Variants in NEGR1 observed in about 807,000 individuals in gnomAD.
NEGR1 encodes neuronal growth regulator 1.
In NEGR1, 10 loss-of-function variants were observed where a neutral mutation model predicts 40.9. The observed-to-expected ratio is 0.24, with a 90% CI of 0.15 to 0.42. The LOEUF is 0.42. NEGR1 is among the 10% of genes least tolerant of loss of function. The pLI is 1.00. For synonymous variants in NEGR1, 185 were observed against 166.8 expected, an observed-to-expected ratio of 1.11 and a Z score of -0.84; for missense variants, 352 against 438.9, an observed-to-expected ratio of 0.80 and a Z score of 1.77.
chr1:71,991,185 T>C (rs2100358469), intron 1 of NEGR1, among the ~76,000 whole-genome samples: 1 of 152,294 alleles, frequency 6.6e-6, no homozygotes, highest in Admixed American at 6.5e-5. Context: ...CTAATTAATT[T>C]ATTCACAACT....
chr1:71,483,901 A>C (rs1225566689), intron 6 of NEGR1, among the ~76,000 whole-genome samples: 4 of 151,720 alleles, frequency 2.6e-5, no homozygotes. Context: ...TTAAAATGTC[A>C]TTTTCACTGA....
intron 1 of NEGR1, among the ~76,000 whole-genome samples, chr1:72,110,114 C>T (rs1299639321): frequency 1.3e-5 from 2 of 150,018 alleles, no homozygotes; most frequent in Admixed American, 6.7e-5. Context: ...GTTTTCAGAC[C>T]AGTGTGGAGA....
chr1:71,766,385 C>A (rs1054109297), intron 3 of NEGR1, among the ~76,000 whole-genome samples: 2 of 152,138 alleles, frequency 1.3e-5, no homozygotes, highest in Non-Finnish European at 2.9e-5. Context: ...AGCCTTAATG[C>A]CTATGATAAT....
At chr1:72,169,423 G>A (rs1017301582) in intron 1 of NEGR1, among the ~76,000 whole-genome samples, 6 of 151,996 alleles carry the variant, frequency 3.9e-5, no homozygotes, top group Non-Finnish European at 8.8e-5. Context: ...TGGCTATATT[G>A]CTCTATAGCA....
chr1:71,824,965 T>A (rs764514655), intron 2 of NEGR1, among the ~76,000 whole-genome samples: 6 of 151,970 alleles, frequency 3.9e-5, no homozygotes, highest in Admixed American at 2.0e-4. Flanking sequence ...CTTTTGTTAT[T>A]CATGTACAAG....
At chr1:72,189,336 T>A (rs1652729689) in intron 1 of NEGR1, among the ~76,000 whole-genome samples, 1 of 151,560 alleles carries the variant, frequency 6.6e-6, no homozygotes, top group Non-Finnish European at 1.5e-5. Context: ...TTCTTCTCAC[T>A]TCTTCAAGTT....
chr1:72,042,353 G>A (rs1215914202), intron 1 of NEGR1, among the ~76,000 whole-genome samples: 3 of 151,758 alleles, frequency 2.0e-5, no homozygotes, highest in African/African-American at 7.3e-5. Flanking sequence ...GTTGGGTCAT[G>A]GAGAACCCAC....
At chr1:71,656,494 A>G (rs1011603862) in intron 4 of NEGR1, among the ~76,000 whole-genome samples, 2 of 151,376 alleles carry the variant, frequency 1.3e-5, no homozygotes, top group African/African-American at 2.4e-5. Flanking sequence ...CTTACTGCAA[A>G]CTCCACCTCC....
intron 5 of NEGR1, among the ~76,000 whole-genome samples, chr1:71,607,725 C>T (rs912602042): frequency 5.9e-5 from 9 of 151,924 alleles, no homozygotes; most frequent in Admixed American, 3.3e-4. Context: ...GAGAGAGTAT[C>T]GCTCTGTCTC....
intron 6 of NEGR1, among the ~76,000 whole-genome samples, chr1:71,497,548 T>A (rs1037229908): frequency 4.6e-5 from 7 of 152,104 alleles, no homozygotes; most frequent in Non-Finnish European, 1.0e-4. Context: ...GAAAACTGAT[T>A]CCCAGGATAG....
At chr1:71,978,234 T>A (rs1646323738) in intron 1 of NEGR1, among the ~76,000 whole-genome samples, 1 of 152,170 alleles carries the variant, frequency 6.6e-6, no homozygotes. Flanking sequence ...GAGCAACAAC[T>A]ATCATCTTGT....
intron 6 of NEGR1, among the ~76,000 whole-genome samples, chr1:71,484,122 A>G (rs1476388130): frequency 1.3e-5 from 2 of 151,726 alleles, no homozygotes; most frequent in Admixed American, 1.3e-4. Flanking sequence ...ATTGAAAACT[A>G]GTTTGCAAAT....
intron 1 of NEGR1, among the ~76,000 whole-genome samples, chr1:72,031,816 A>G (rs1646861244): frequency 6.6e-6 from 1 of 152,124 alleles, no homozygotes; most frequent in Non-Finnish European, 1.5e-5. Context: ...AATAAGGGGC[A>G]TTCTGTGGAA....
At chr1:72,004,459 C>A (rs1006213201) in intron 1 of NEGR1, among the ~76,000 whole-genome samples, 5 of 152,050 alleles carry the variant, frequency 3.3e-5, no homozygotes, top group Non-Finnish European at 7.4e-5. Context: ...CCACTCGCAG[C>A]AAATTTTTGT....
intron 6 of NEGR1, among the ~76,000 whole-genome samples, chr1:71,434,347 A>T (rs1011692376): frequency 6.6e-6 from 1 of 152,200 alleles, no homozygotes; most frequent in Non-Finnish European, 1.5e-5. Flanking sequence ...AATAAATGTA[A>T]AGATGTGGTA....
At position 71,676,378 on chromosome 1, in the gene NEGR1, G is replaced by C. The variant is rs151083452; in HGVS notation, c.667+21630C>G. On this transcript the variant is annotated intron_variant, in intron 4 of 6. Coordinates refer to ENST00000357731, the MANE Select transcript of NEGR1 (RefSeq NM_173808.3). ...TATCGTCTGGTAAAAAAATGATCTT[G>C]TGGCCTCATTTCATATCTTTGCTAA... Among the ~76,000 whole-genome samples, 38 of 39,310 alleles carry C rather than the reference G, an allele frequency of 9.7e-4. No individual in the cohort carries two copies. The Admixed American group carries it at 0.014, about 15-fold the overall frequency. 25.8% of individuals were successfully genotyped at this position (39,310 alleles called of 152,430 possible).
intron 2 of NEGR1, among the ~76,000 whole-genome samples, chr1:71,867,372 C>T (rs1298816703): frequency 3.9e-5 from 6 of 152,022 alleles, no homozygotes; most frequent in Non-Finnish European, 7.4e-5. Flanking sequence ...GAGACTCCGT[C>T]GAGGGAGGGG....
chr1:71,926,147 A>G lies in NEGR1; in HGVS notation c.409+8932T>C, dbSNP rs147238710. ...CATTAATCATTAAAGGGACTTTTAA[A>G]AGCAGCAAATCTTGCTGAAAGGGAT... On this transcript the variant is annotated intron_variant, in intron 2 of 6. Transcript: ENST00000357731. Among the ~76,000 whole-genome samples, 41 of 152,294 alleles carry G rather than the reference A, an allele frequency of 2.7e-4. No individual in the cohort carries two copies. The East Asian group carries it at 7.7e-3, about 29-fold the overall frequency.
chr1:71,894,101 T>A (rs1044272571), intron 2 of NEGR1, among the ~76,000 whole-genome samples: 3 of 119,232 alleles, frequency 2.5e-5, no homozygotes, highest in Non-Finnish European at 3.5e-5. Context: ...AGGGATAGCA[T>A]TGGTAGATAT....
Sources: allele counts gnomAD v4.1 joint callset (sites outside exome capture counted in the v4.1 genomes callset), GRCh38; gene constraint gnomAD v4.1.1; transcripts MANE v1.5; gene names NCBI Gene and HGNC (gene_info 2026-07-23, HGNC 2026-07-21).